C2orf76: variants seen among roughly 807,000 people sequenced by gnomAD.
C2orf76 encodes chromosome 2 open reading frame 76.
In C2orf76, 23 loss-of-function variants were observed where a neutral mutation model predicts 16.9. The observed-to-expected ratio is 1.36, with a 90% CI of 0.98 to 1.93. The LOEUF is 1.93. C2orf76 is among the 30% of genes most tolerant of loss of function. The pLI is 0.00. For synonymous variants in C2orf76, 48 were observed against 52.3 expected (o/e 0.92, Z 0.35); for missense variants, 152 against 152.6 (o/e 1.00, Z 0.02).
intron 4 of C2orf76, among the ~76,000 whole-genome samples, chr2:119,313,807 G>A (rs1679075815): frequency 6.6e-6 from 1 of 151,762 alleles, no homozygotes; most frequent in African/African-American, 2.4e-5. Context: ...TTGCCAATCT[G>A]ACAGGTGTGG....
At chr2:119,346,372 A>G (rs1398569213) in intron 1 of C2orf76, among the ~76,000 whole-genome samples, 1 of 152,222 alleles carries the variant, frequency 6.6e-6, no homozygotes, top group Non-Finnish European at 1.5e-5. Context: ...ATGCCCCAAA[A>G]CTGGGAAATA....
intron 2 of C2orf76, among the ~76,000 whole-genome samples, chr2:119,334,300 G>A (rs557715694): frequency 6.7e-6 from 1 of 148,816 alleles, no homozygotes; most frequent in Non-Finnish European, 1.5e-5. Context: ...CACTGTAAGG[G>A]TGGCTACATG....
chr2:119,348,046 CAAAAAAAAAAA>C (rs1205382710), intron 1 of C2orf76, among the ~76,000 whole-genome samples: 1 of 81,988 alleles, frequency 1.2e-5, no homozygotes, highest in Non-Finnish European at 2.4e-5. Context: ...GGCTCTGTCT[CAAAAAAAAAAA>C]AAAAAAAAAA....
intron 2 of C2orf76, among the ~76,000 whole-genome samples, chr2:119,332,714 A>G (rs992029779): frequency 2.6e-5 from 4 of 152,158 alleles, no homozygotes; most frequent in African/African-American, 7.2e-5. Flanking sequence ...ACTAATAGCC[A>G]GGGATGATAA....
chr2:119,343,807 C>T (rs562050443), intron 1 of C2orf76, among the ~76,000 whole-genome samples: 2 of 152,210 alleles, frequency 1.3e-5, no homozygotes, highest in Admixed American at 6.5e-5. Context: ...AAAAACAAGT[C>T]GTTCCATTAA....
chr2:119,292,426 C>T, the C2orf76 span, among the ~76,000 whole-genome samples: 2 of 152,172 alleles, frequency 1.3e-5, no homozygotes, highest in Non-Finnish European at 2.9e-5. Flanking sequence ...CGGGCATACG[C>T]AGAGCCCTAG....
At chr2:119,348,722 C>T (rs969549748) in intron 1 of C2orf76, among the ~76,000 whole-genome samples, 24 of 151,848 alleles carry the variant, frequency 1.6e-4, no homozygotes, top group African/African-American at 5.1e-4. Flanking sequence ...GGGCTCGGTG[C>T]CGTGGCTCAC....
chr2:119,317,060 A>G (rs1558780375), intron 4 of C2orf76, among the ~76,000 whole-genome samples: 1 of 152,224 alleles, frequency 6.6e-6, no homozygotes. Flanking sequence ...GAATCAAATT[A>G]GAACAAGTGA....
rs1299212544 is a variant in C2orf76, at chr2:119,321,149, G to A, written c.184+5C>T. 7.3e-7 allele frequency: 1 copy of A among 1,374,864 alleles called. No individual in the cohort carries two copies. 85.2% of individuals were successfully genotyped at this position (1,374,864 alleles called of 1,614,324 possible). A position where few individuals can be genotyped will look rare whatever the true frequency, so the allele number is the denominator to read the frequency against. ...TATATTTTAAAAGAATAAAAAAATG[G>A]TTACCATATTTATAATTTCTGAATG... On this transcript the variant is annotated splice_donor_5th_base_variant and intron_variant, in intron 3 of 5. Transcript: ENST00000334816.
At chr2:119,336,584 T>C (rs1679853149) in intron 2 of C2orf76, among the ~76,000 whole-genome samples, 1 of 151,712 alleles carries the variant, frequency 6.6e-6, no homozygotes, top group African/African-American at 2.4e-5. Context: ...ATACAAACAA[T>C]TATGGCAGGT....
intron 1 of C2orf76, among the ~76,000 whole-genome samples, chr2:119,362,400 T>C (rs906402375): frequency 2.0e-5 from 3 of 152,194 alleles, no homozygotes; most frequent in Admixed American, 6.5e-5. Context: ...GTATTTCTAA[T>C]TTTCTTGTTG....
intron 1 of C2orf76, among the ~76,000 whole-genome samples, chr2:119,346,726 T>A (rs976490158): frequency 6.6e-6 from 1 of 152,174 alleles, no homozygotes; most frequent in Non-Finnish European, 1.5e-5. Context: ...TTGACTGTAG[T>A]GTTACCCATT....
At chr2:119,296,394 C>T in the C2orf76 span, among the ~76,000 whole-genome samples, 2 of 152,170 alleles carry the variant, frequency 1.3e-5, no homozygotes, top group African/African-American at 4.8e-5. Context: ...TCCCAACACA[C>T]ATGCATGCAT....
At chr2:119,311,223 C>T in intron 5 of C2orf76, 4 of 985,396 alleles carry the variant, frequency 4.1e-6, no homozygotes, top group Non-Finnish European at 4.8e-6. Flanking sequence ...TATCAAAAAC[C>T]ACACTGCATG....
chr2:119,313,269 T>C (rs543129950), intron 4 of C2orf76, among the ~76,000 whole-genome samples: 99 of 152,012 alleles, frequency 6.5e-4, no homozygotes, highest in Non-Finnish European at 1.2e-3. Flanking sequence ...CTCCAGAGCA[T>C]ACAGATTAAA....
chr2:119,343,717 T>G (rs968239686), intron 1 of C2orf76, among the ~76,000 whole-genome samples: 7 of 151,838 alleles, frequency 4.6e-5, no homozygotes, highest in Non-Finnish European at 8.8e-5. Flanking sequence ...GAGGTGGAGG[T>G]TGCAGTGAGC....
At chr2:119,344,662 G>C (rs796370795) in intron 1 of C2orf76, among the ~76,000 whole-genome samples, 4 of 152,160 alleles carry the variant, frequency 2.6e-5, no homozygotes, top group African/African-American at 9.6e-5. Context: ...CAACAAAAAA[G>C]AAAAGAGACC....
At chr2:119,334,692 G>GAAAA (rs371801316) in intron 2 of C2orf76, among the ~76,000 whole-genome samples, 4 of 129,696 alleles carry the variant, frequency 3.1e-5, no homozygotes, top group African/African-American at 1.1e-4. Flanking sequence ...CTCTCTCTCA[G>GAAAA]AAAAAAACAA....
the C2orf76 span, among the ~76,000 whole-genome samples, chr2:119,285,101 A>G: frequency 3.3e-4 from 50 of 152,354 alleles, no homozygotes; most frequent in African/African-American, 1.1e-3. Context: ...TGACTTAAAT[A>G]GGGAATACAA....
Sources: gnomAD v4.1 joint callset for allele counts (sites outside exome capture counted in the v4.1 genomes callset) on GRCh38, gnomAD v4.1.1 for gene constraint, MANE v1.5 for transcripts, NCBI Gene and HGNC (gene_info 2026-07-23, HGNC 2026-07-21) for gene names.